Variants in GKAP1 observed in about 807,000 individuals in gnomAD.
The protein encoded by GKAP1 is G kinase anchoring protein 1, also known as G kinase-anchoring protein 1.
In GKAP1, 31 loss-of-function variants were observed where a neutral mutation model predicts 56.7. The ratio of observed to expected loss-of-function variants is 0.55; its 90% CI spans 0.41 to 0.74. The LOEUF (loss-of-function observed/expected upper bound fraction) is 0.74, where lower values mean the gene tolerates loss of function less well. GKAP1 is among the 30% of genes least tolerant of loss of function. The pLI is 0.00. For synonymous variants in GKAP1, 151 were observed against 138.6 expected, an observed-to-expected ratio of 1.09 and a Z score of -0.63; for missense variants, 364 against 402.3, an observed-to-expected ratio of 0.90 and a Z score of 0.82.
chr9:83,759,952 T>A (rs2131254080), intron 8 of GKAP1, among the ~76,000 whole-genome samples: 1 of 152,324 alleles, frequency 6.6e-6, no homozygotes, highest in African/African-American at 2.4e-5. Context: ...CCAACTTAAC[T>A]TTTCAAATTT....
chr9:83,780,659 G>C (rs112400576), intron 6 of GKAP1, among the ~76,000 whole-genome samples: 2 of 152,026 alleles, frequency 1.3e-5, no homozygotes, highest in South Asian at 2.1e-4. Flanking sequence ...CCATATCAAG[G>C]GATATTATTG....
At chr9:83,802,010 A>G (rs1944338922) in intron 3 of GKAP1, among the ~76,000 whole-genome samples, 2 of 152,230 alleles carry the variant, frequency 1.3e-5, no homozygotes, top group Admixed American at 1.3e-4. Flanking sequence ...TTCTTTCATT[A>G]AATAATAAAA....
intron 2 of GKAP1, among the ~76,000 whole-genome samples, chr9:83,812,299 A>G (rs1364830942): frequency 6.7e-6 from 1 of 148,302 alleles, no homozygotes; most frequent in African/African-American, 2.5e-5. Context: ...ACGTATATAT[A>G]TACGTATACA....
intron 6 of GKAP1, among the ~76,000 whole-genome samples, chr9:83,784,137 T>C (rs990099775): frequency 6.6e-6 from 1 of 151,722 alleles, no homozygotes; most frequent in Non-Finnish European, 1.5e-5. Flanking sequence ...CATGGTGGCA[T>C]AGGCCTGTAG....
chr9:83,787,144 T>C (rs185082433), intron 5 of GKAP1, among the ~76,000 whole-genome samples: 1 of 152,380 alleles, frequency 6.6e-6, no homozygotes, highest in Non-Finnish European at 1.5e-5. Flanking sequence ...GAAAGGGATA[T>C]GGAAATGAAA....
intron 10 of GKAP1, among the ~76,000 whole-genome samples, chr9:83,746,706 A>C (rs565505257): frequency 8.0e-6 from 1 of 124,254 alleles, no homozygotes; most frequent in East Asian, 2.4e-4. Context: ...AAAATAAATA[A>C]ATAAATAAAT....
chr9:83,800,516 T>A (rs1053035690), intron 3 of GKAP1, among the ~76,000 whole-genome samples: 2 of 152,084 alleles, frequency 1.3e-5, no homozygotes, highest in Non-Finnish European at 2.9e-5. Context: ...CTATTTTTAG[T>A]ACAGATGGGT....
intron 12 of GKAP1, 69 bp downstream of exon 12, chr9:83,741,883 A>G (rs1044712785): frequency 4.3e-6 from 4 of 922,714 alleles, no homozygotes; most frequent in Non-Finnish European, 6.7e-6. Context: ...TACTGCATTT[A>G]TTCTCACACA....
At chr9:83,776,340 T>C (rs1943861933) in intron 7 of GKAP1, among the ~76,000 whole-genome samples, 1 of 152,182 alleles carries the variant, frequency 6.6e-6, no homozygotes, top group Admixed American at 6.6e-5. Context: ...GTGAGATTTA[T>C]TTAAAGCTAG....
intron 3 of GKAP1, among the ~76,000 whole-genome samples, chr9:83,800,468 G>A (rs1944314614): frequency 6.6e-6 from 1 of 151,644 alleles, no homozygotes; most frequent in Non-Finnish European, 1.5e-5. Flanking sequence ...CAAATAGCTG[G>A]GATTACAGTC....
intron 8 of GKAP1, 52 bp from the exon 9 acceptor site, chr9:83,753,411 G>T: frequency 1.7e-6 from 2 of 1,153,144 alleles, no homozygotes; most frequent in Non-Finnish European, 2.6e-6. Context: ...GCTAATTCTG[G>T]TTTATAGTAT....
intron 7 of GKAP1, among the ~76,000 whole-genome samples, chr9:83,770,254 C>T (rs976318065): frequency 1.3e-5 from 2 of 152,226 alleles, no homozygotes; most frequent in Middle Eastern, 6.8e-3. Flanking sequence ...AAATTTACTC[C>T]TATATTTTCT....
intron 7 of GKAP1, among the ~76,000 whole-genome samples, chr9:83,776,494 A>T (rs1333230066): frequency 6.6e-6 from 1 of 152,174 alleles, no homozygotes; most frequent in African/African-American, 2.4e-5. Context: ...CAAGAGATAG[A>T]GACCATCCTG....
At chr9:83,797,303 T>A (rs947126757) in intron 4 of GKAP1, among the ~76,000 whole-genome samples, 1 of 152,166 alleles carries the variant, frequency 6.6e-6, no homozygotes, top group South Asian at 2.1e-4. Flanking sequence ...CAGCCCTCCA[T>A]CCCCGAAATT....
At position 83,795,156 on chromosome 9, in the gene GKAP1, CAAAAAAAA is replaced by C. The variant is rs1031439217; in HGVS notation, c.360+4021_360+4028del. Among the ~76,000 whole-genome samples, 6 of 64,468 alleles carry C rather than the reference CAAAAAAAA, an allele frequency of 9.3e-5. No individual in the cohort carries two copies. In the East Asian group the frequency reaches 1.2e-3, roughly 13 times the overall value. The allele number at this position is 64,468 out of a possible 152,430, so 42.3% of individuals were successfully genotyped here. A position where few individuals can be genotyped will look rare whatever the true frequency, so the allele number is the denominator to read the frequency against. ...GGGCGACAAGAGCGAGACTCCATCTCAAAAAAAAAAAAAAAAAAAAAAAGTGAAAATTA... is the reference window on the plus strand; with the variant it reads ...GGGCGACAAGAGCGAGACTCCATCTCAAAAAAAAAAAAAAAGTGAAAATTA... On this transcript the variant is annotated intron_variant, in intron 4 of 12. Transcript: ENST00000376371.
chr9:83,783,777 C>G (rs2131292336), intron 6 of GKAP1, among the ~76,000 whole-genome samples: 1 of 152,268 alleles, frequency 6.6e-6, no homozygotes, highest in South Asian at 2.1e-4. Flanking sequence ...AAATATGTTT[C>G]AAGATGACTC....
chr9:83,814,086 G>A (rs1180096104), intron 2 of GKAP1, among the ~76,000 whole-genome samples: 3 of 151,762 alleles, frequency 2.0e-5, no homozygotes, highest in African/African-American at 7.3e-5. Context: ...GTTACAGCCT[G>A]AGACCCTTTG....
At chr9:83,761,562 A>G (rs1367813678) in intron 8 of GKAP1, among the ~76,000 whole-genome samples, 1 of 152,170 alleles carries the variant, frequency 6.6e-6, no homozygotes, top group Non-Finnish European at 1.5e-5. Flanking sequence ...AACTCCTTCT[A>G]TGAGGCCAGT....
chr9:83,802,893 A>C (rs1944354958), intron 3 of GKAP1, among the ~76,000 whole-genome samples: 2 of 151,976 alleles, frequency 1.3e-5, no homozygotes, highest in African/African-American at 4.8e-5. Context: ...GCACTTTGGG[A>C]GGCCAAGGTG....
Sources: allele counts gnomAD v4.1 joint callset (sites outside exome capture counted in the v4.1 genomes callset), GRCh38; gene constraint gnomAD v4.1.1; transcripts MANE v1.5; gene names NCBI Gene and HGNC (gene_info 2026-07-23, HGNC 2026-07-21).